HS6ST3: variants seen among roughly 807,000 people sequenced by gnomAD.
HS6ST3 encodes heparan sulfate 6-O-sulfotransferase 3, also known as heparan-sulfate 6-O-sulfotransferase 3.
A neutral mutation model predicts 36.7 loss-of-function variants in HS6ST3; 12 were observed. The ratio of observed to expected loss-of-function variants is 0.33; its 90% CI spans 0.21 to 0.53. HS6ST3 has a LOEUF of 0.53. HS6ST3 is among the 20% of genes least tolerant of loss of function. The pLI, the probability that HS6ST3 is intolerant of heterozygous loss-of-function variation, is 0.95. For synonymous variants in HS6ST3, 240 were observed against 257.5 expected (o/e 0.93, Z 0.65); for missense variants, 584 against 640.9 (o/e 0.91, Z 0.96).
intron 1 of HS6ST3, among the ~76,000 whole-genome samples, chr13:96,626,797 C>T (rs1030586896): frequency 6.6e-6 from 1 of 151,994 alleles, no homozygotes; most frequent in Non-Finnish European, 1.5e-5. Context: ...ATTTATTTCT[C>T]AGTACTAAAC....
chr13:96,442,883 A>G (rs1424962729), intron 1 of HS6ST3, among the ~76,000 whole-genome samples: 1 of 152,120 alleles, frequency 6.6e-6, no homozygotes, highest in Non-Finnish European at 1.5e-5. Context: ...CAGCTTTACA[A>G]GAAAAATCTT....
intron 1 of HS6ST3, among the ~76,000 whole-genome samples, chr13:96,383,043 C>G (rs2055349035): frequency 6.6e-6 from 1 of 152,130 alleles, no homozygotes; most frequent in African/African-American, 2.4e-5. Flanking sequence ...AACAACTTAC[C>G]TCCACACTGT....
chr13:96,255,276 AT>A lies in HS6ST3; in HGVS notation c.707+163708del, dbSNP rs374536252. On this transcript the variant is annotated intron_variant, in intron 1 of 1. Coordinates refer to ENST00000376705, the MANE Select transcript of HS6ST3 (RefSeq NM_153456.4). ...TTTTTATGTTATCCTATTTTATTGCATGATGTCTTCCTGCAAACAAGGATAG... is the reference window on the plus strand; with the variant it reads ...TTTTTATGTTATCCTATTTTATTGCAGATGTCTTCCTGCAAACAAGGATAG... Among the ~76,000 whole-genome samples, 395 of 152,266 alleles carry A rather than the reference AT, an allele frequency of 2.6e-3. 2 individuals carry two copies. The highest frequency in any genetic ancestry group is 9.2e-3 in the African/African-American group (382 of 41,566).
At chr13:96,771,438 T>TA (rs1566449738) in intron 1 of HS6ST3, among the ~76,000 whole-genome samples, 3 of 151,758 alleles carry the variant, frequency 2.0e-5, no homozygotes, top group East Asian at 3.9e-4. Context: ...AATTAAAAAG[T>TA]AAAAAAATAA....
chr13:96,091,447 G>C lies in HS6ST3; in HGVS notation c.585G>C (p.Trp195Cys). ...TCHRPGKKET[W>C]LFSRFSTGWS... ...ACCGGCCTGGCAAGAAGGAGACGTG[G>C]CTCTTCTCCCGCTTCTCCACCGGCT... Residue 195 changes from tryptophan to cysteine, a missense_variant, in exon 1 of 2, where the codon TGG (tryptophan) becomes TGC (cysteine). Coordinates refer to ENST00000376705, the MANE Select transcript of HS6ST3 (RefSeq NM_153456.4). 1 of 1,611,048 alleles carries C rather than the reference G, an allele frequency of 6.2e-7. No homozygotes were observed. The highest frequency in any genetic ancestry group is 8.5e-7 in the Non-Finnish European group (1 of 1,179,178).
chr13:96,471,987 T>C (rs2055842336), intron 1 of HS6ST3, among the ~76,000 whole-genome samples: 1 of 152,164 alleles, frequency 6.6e-6, no homozygotes, highest in African/African-American at 2.4e-5. Flanking sequence ...AGAGGCTACC[T>C]GGGGCTTATT....
intron 1 of HS6ST3, among the ~76,000 whole-genome samples, chr13:96,260,138 C>A (rs148814438): frequency 6.6e-6 from 1 of 152,050 alleles, no homozygotes; most frequent in East Asian, 1.9e-4. Flanking sequence ...CTTCGATATC[C>A]TTGCTTGAAT....
chr13:96,438,927 G>A lies in HS6ST3; in HGVS notation c.707+347358G>A, dbSNP rs141873281. Among the ~76,000 whole-genome samples, 39 of 152,156 alleles carry A rather than the reference G, an allele frequency of 2.6e-4. 1 individual carries two copies. In the East Asian group the frequency reaches 7.4e-3, roughly 29 times the overall value. On this transcript the variant is annotated intron_variant, in intron 1 of 1. Coordinates refer to ENST00000376705, the MANE Select transcript of HS6ST3 (RefSeq NM_153456.4). ...CTAAAAATACAAAAAAATTAGTTGG[G>A]CATGGTGGCTGGTACCTGTATTCCA...
Position 96,754,588 on chromosome 13 carries a change from A to G in HS6ST3, c.708-77902A>G, listed in dbSNP as rs116227825. Among the ~76,000 whole-genome samples, 764 of 152,314 alleles carry G rather than the reference A, an allele frequency of 5.0e-3. 8 individuals are homozygous for G. Among genetic ancestry groups the G allele is most frequent in the African/African-American group, 0.017 (716 of 41,566 alleles). ...ACCTGAAAATGTCTTTATTTAAAAG[A>G]AAAGTTGATGAGAGAACAGTTCAGT... On this transcript the variant is annotated intron_variant, in intron 1 of 1. Coordinates refer to ENST00000376705, the MANE Select transcript of HS6ST3 (RefSeq NM_153456.4).
At chr13:96,682,754 T>G (rs2056722680) in intron 1 of HS6ST3, among the ~76,000 whole-genome samples, 1 of 152,154 alleles carries the variant, frequency 6.6e-6, no homozygotes, top group South Asian at 2.1e-4. Context: ...TGGGTTTATT[T>G]CTTTTATCTT....
chr13:96,738,736 A>G (rs1247772286), intron 1 of HS6ST3, among the ~76,000 whole-genome samples: 1 of 152,192 alleles, frequency 6.6e-6, no homozygotes, highest in Admixed American at 6.5e-5. Flanking sequence ...ATATATTTAA[A>G]CCCAGTTACA....
chr13:96,732,337 A>G (rs1184845150), intron 1 of HS6ST3, among the ~76,000 whole-genome samples: 1 of 151,786 alleles, frequency 6.6e-6, no homozygotes, highest in Non-Finnish European at 1.5e-5. Context: ...GCCATTTTTG[A>G]GTTGATTTTT....
chr13:96,296,810 A>G (rs761319941), intron 1 of HS6ST3, among the ~76,000 whole-genome samples: 1 of 152,124 alleles, frequency 6.6e-6, no homozygotes, highest in Non-Finnish European at 1.5e-5. Flanking sequence ...TACCAGGAAC[A>G]TTTCCACCAA....
chr13:96,806,756 G>A (rs1878204733), intron 1 of HS6ST3, among the ~76,000 whole-genome samples: 2 of 152,166 alleles, frequency 1.3e-5, no homozygotes, highest in Admixed American at 1.3e-4. Context: ...CACATCTAGA[G>A]CAAATTAACT....
intron 1 of HS6ST3, among the ~76,000 whole-genome samples, chr13:96,209,400 C>A (rs954432086): frequency 6.6e-6 from 1 of 152,064 alleles, no homozygotes; most frequent in Non-Finnish European, 1.5e-5. Flanking sequence ...GGTTGGTGCT[C>A]CCCAGCTTTT....
chr13:96,483,242 A>G (rs1212699051), intron 1 of HS6ST3, among the ~76,000 whole-genome samples: 1 of 152,210 alleles, frequency 6.6e-6, no homozygotes, highest in Non-Finnish European at 1.5e-5. Flanking sequence ...GAGATCTGAA[A>G]GTTGAGAAGT....
chr13:96,758,977 G>A (rs544937224), intron 1 of HS6ST3, among the ~76,000 whole-genome samples: 19 of 151,454 alleles, frequency 1.3e-4, no homozygotes, highest in African/African-American at 4.6e-4. Context: ...CTCAGTTCTT[G>A]CTTATATTTT....
chr13:96,658,367 G>C (rs928124491), intron 1 of HS6ST3, among the ~76,000 whole-genome samples: 1 of 142,366 alleles, frequency 7.0e-6, no homozygotes, highest in African/African-American at 2.6e-5. Flanking sequence ...TGCAACCTCT[G>C]CCTCCTGGGT....
rs893005040 is a variant in HS6ST3 at position 96,829,324 on chromosome 13, C to CT, written c.708-3156dup. ...CTCCAACTTTTTTTTTTCAATTTTTCTTTTTTTTTTAATTTTATTTTAAGT... is the reference window on the plus strand; with the variant it reads ...CTCCAACTTTTTTTTTTCAATTTTTCTTTTTTTTTTTAATTTTATTTTAAGT... On this transcript the variant is annotated intron_variant, in intron 1 of 1. Transcript: ENST00000376705. 4.5e-4 allele frequency among the ~76,000 whole-genome samples: 66 copies of CT among 146,924 alleles called. 1 individual carries two copies. The highest frequency in any genetic ancestry group is 1.1e-3 in the African/African-American group (45 of 40,026).
Sources: allele counts gnomAD v4.1 joint callset (sites outside exome capture counted in the v4.1 genomes callset), GRCh38; gene constraint gnomAD v4.1.1; transcripts MANE v1.5; gene names NCBI Gene and HGNC (gene_info 2026-07-23, HGNC 2026-07-21).